The following PTPRG variants were observed in gnomAD, a reference collection of about 807,000 sequenced individuals.
PTPRG encodes receptor-type tyrosine-protein phosphatase gamma.
In PTPRG, 102 loss-of-function variants were observed where a neutral mutation model predicts 165.3. That is an observed-to-expected ratio of 0.62 (90% CI 0.53 to 0.73). PTPRG has a LOEUF of 0.73. PTPRG is among the 30% of genes least tolerant of loss of function. The probability of loss-of-function intolerance (pLI) is 0.00; values close to 1 mark genes in which losing one functional copy is unlikely to be tolerated. For synonymous variants in PTPRG, 675 were observed against 669.5 expected (o/e 1.01, Z -0.13); for missense variants, 1,866 against 1,861.4 (o/e 1.00, Z -0.05).
At position 62,270,122 on chromosome 3, in the gene PTPRG, C is replaced by T. The variant is rs543225285; in HGVS notation, c.3009+953C>T. On this transcript the variant is annotated intron_variant, in intron 20 of 29. Coordinates refer to ENST00000474889, the MANE Select transcript of PTPRG (RefSeq NM_002841.4). ...TACTGTATTAAGAACTGTAAATAGA[C>T]GCTCATTAAAAAATGTAGTTATTCC... Among the ~76,000 whole-genome samples the T allele has an allele frequency of 7.2e-5, 11 of 151,822 alleles. No individual in the cohort carries two copies. The East Asian group carries it at 7.7e-4, about 11-fold the overall frequency.
chr3:61,707,639 A>G (rs545329939), intron 1 of PTPRG, among the ~76,000 whole-genome samples: 6 of 152,194 alleles, frequency 3.9e-5, no homozygotes, highest in Admixed American at 1.3e-4. Context: ...TACTCAGTCT[A>G]TCAATTCAAA....
At chr3:61,897,865 A>G (rs1379460463) in intron 2 of PTPRG, among the ~76,000 whole-genome samples, 2 of 152,144 alleles carry the variant, frequency 1.3e-5, no homozygotes, top group Non-Finnish European at 2.9e-5. Flanking sequence ...CTTTTTTAGT[A>G]TATAGAAATG....
At chr3:61,779,344 A>G (rs2034479068) in intron 2 of PTPRG, among the ~76,000 whole-genome samples, 1 of 151,752 alleles carries the variant, frequency 6.6e-6, no homozygotes, top group Non-Finnish European at 1.5e-5. Context: ...TAATTTTAAG[A>G]GTAAGCCCCC....
intron 4 of PTPRG, 49 bp from the exon 5 acceptor site, chr3:62,078,114 A>G: frequency 3.1e-6 from 4 of 1,308,376 alleles, no homozygotes; most frequent in Non-Finnish European, 4.3e-6. Flanking sequence ...TCAACTTTTT[A>G]TTTATGTTTG....
At position 62,273,297 on chromosome 3, in the gene PTPRG, G is replaced by A. The variant is rs1012418405; in HGVS notation, c.3318+216G>A. Among the ~76,000 whole-genome samples, 3 of 152,160 alleles carry A rather than the reference G, an allele frequency of 2.0e-5. No individual in the cohort carries two copies. The highest frequency in any genetic ancestry group is 2.9e-5 in the Non-Finnish European group (2 of 68,030). ...TTTGGATTCCTAAATAACTACACAA[G>A]TACTTACGAAAGAGATACAGTTGTT... On this transcript the variant is annotated intron_variant, in intron 22 of 29. Transcript: ENST00000474889. This position sits in a 1 kb window ranked among gnomAD's most constrained non-coding sequence, Gnocchi z 4.1.
intron 1 of PTPRG, among the ~76,000 whole-genome samples, chr3:61,728,677 T>TA (rs1559577884): frequency 7.4e-6 from 1 of 135,932 alleles, no homozygotes; most frequent in Non-Finnish European, 1.6e-5. Flanking sequence ...AAGAGCTATG[T>TA]ATTTTTTTTG....
At chr3:61,929,686 C>T (rs971047203) in intron 2 of PTPRG, among the ~76,000 whole-genome samples, 14 of 152,196 alleles carry the variant, frequency 9.2e-5, no homozygotes, top group African/African-American at 2.9e-4. Context: ...TATGAGCCGT[C>T]GTGTCGGCAT....
intron 2 of PTPRG, among the ~76,000 whole-genome samples, chr3:61,884,157 T>A (rs569034486): frequency 2.0e-5 from 3 of 152,346 alleles, no homozygotes; most frequent in South Asian, 2.1e-4. Flanking sequence ...ACATTTTTTC[T>A]CCTGAGCCGT....
intron 7 of PTPRG, among the ~76,000 whole-genome samples, chr3:62,164,611 C>T (rs1704899171): frequency 6.6e-6 from 1 of 152,210 alleles, no homozygotes; most frequent in Non-Finnish European, 1.5e-5. Flanking sequence ...AGAACCATCA[C>T]ATCCTTTCTT....
intron 1 of PTPRG, among the ~76,000 whole-genome samples, chr3:61,738,483 C>G (rs922085410): frequency 2.0e-5 from 3 of 151,256 alleles, no homozygotes; most frequent in Non-Finnish European, 2.9e-5. Flanking sequence ...TGGGGTTTGG[C>G]ACAAAGTTAC....
chr3:61,718,917 A>G lies in PTPRG; in HGVS notation c.86-29961A>G, dbSNP rs2031933600. On this transcript the variant is annotated intron_variant, in intron 1 of 29. Coordinates refer to ENST00000474889, the MANE Select transcript of PTPRG (RefSeq NM_002841.4). ...AATTTGGAGTTTGGTTCTTAAGTTG[A>G]AAGGGGATAAACAATCGACATTGAA... Among the ~76,000 whole-genome samples, 4 of 151,796 alleles carry G rather than the reference A, an allele frequency of 2.6e-5. No homozygotes were observed. The South Asian group carries it at 6.2e-4, about 24-fold the overall frequency.
intron 1 of PTPRG, among the ~76,000 whole-genome samples, chr3:61,628,797 C>T (rs912477150): frequency 1.3e-5 from 2 of 152,158 alleles, no homozygotes; most frequent in South Asian, 2.1e-4. Context: ...CTTATTTATT[C>T]ATCCACAAAT....
intron 8 of PTPRG, among the ~76,000 whole-genome samples, chr3:62,186,115 G>A (rs948521643): frequency 1.3e-5 from 2 of 152,154 alleles, no homozygotes; most frequent in African/African-American, 2.4e-5. Context: ...CGGGTGTCTG[G>A]TACTATCGTT....
intron 5 of PTPRG, among the ~76,000 whole-genome samples, chr3:62,127,434 C>T (rs1703334582): frequency 1.3e-5 from 2 of 152,184 alleles, no homozygotes; most frequent in Non-Finnish European, 2.9e-5. Flanking sequence ...CTTCTGAATA[C>T]ACAGTTACCT....
chr3:62,011,795 T>C (rs1456620141), intron 4 of PTPRG, among the ~76,000 whole-genome samples: 1 of 152,236 alleles, frequency 6.6e-6, no homozygotes, highest in African/African-American at 2.4e-5. Context: ...CTTTGGTCCC[T>C]GGCTTGGTAA....
At chr3:61,842,044 A>T (rs2036652336) in intron 2 of PTPRG, among the ~76,000 whole-genome samples, 1 of 152,194 alleles carries the variant, frequency 6.6e-6, no homozygotes. Flanking sequence ...GCCTTAGCTA[A>T]ATGTTTCTTT....
rs750096084 is a variant in PTPRG at position 62,014,242 on chromosome 3, G to C, written c.519+10745G>C. ...ATTTCATTGCACCCCCCCTTTAATGGAATGGGAAGAAAGTTTCAAAAGCTT... is the reference window on the plus strand; with the variant it reads ...ATTTCATTGCACCCCCCCTTTAATGCAATGGGAAGAAAGTTTCAAAAGCTT... On this transcript the variant is annotated intron_variant, in intron 4 of 29. Coordinates refer to ENST00000474889, the MANE Select transcript of PTPRG (RefSeq NM_002841.4). 1.6e-4 allele frequency among the ~76,000 whole-genome samples: 25 copies of C among 152,178 alleles called. No individual in the cohort carries two copies. The South Asian group carries it at 1.9e-3, about 11-fold the overall frequency.
intron 2 of PTPRG, among the ~76,000 whole-genome samples, chr3:61,842,698 A>AAG (rs1553680542): frequency 1.9e-4 from 27 of 144,250 alleles, no homozygotes; most frequent in Non-Finnish European, 7.7e-5. Context: ...AAAAAAAAAA[A>AAG]AAAAAGAAAA....
chr3:61,738,289 TATATATATATATATATATATATAC>T lies in PTPRG; in HGVS notation c.86-10565_86-10542del, dbSNP rs1559583232. ...ATATATATATATATACATATATATATATATATATATATATATATATATACATATATATATATATATATATATATG... is the reference window on the plus strand; with the variant it reads ...ATATATATATATATACATATATATATATATATATATATATATATATATATG... On this transcript the variant is annotated intron_variant, in intron 1 of 29. Coordinates refer to ENST00000474889, the MANE Select transcript of PTPRG (RefSeq NM_002841.4). Among the ~76,000 whole-genome samples the T allele has an allele frequency of 6.1e-4, 42 of 68,618 alleles. No homozygotes were observed. In the South Asian group the frequency reaches 6.3e-3, roughly 10 times the overall value. The allele number at this position is 68,618 out of a possible 152,430, so 45.0% of individuals were successfully genotyped here. A position where few individuals can be genotyped will look rare whatever the true frequency, so the allele number is the denominator to read the frequency against.
Sources: gnomAD v4.1 joint callset for allele counts (sites outside exome capture counted in the v4.1 genomes callset) on GRCh38, gnomAD v4.1.1 for gene constraint, Gnocchi (gnomAD v3.1) non-coding constraint, MANE v1.5 for transcripts, NCBI Gene and HGNC (gene_info 2026-07-23, HGNC 2026-07-21) for gene names.